Variants in IL17RC observed in about 807,000 individuals in gnomAD.
IL17RC encodes the protein interleukin-17 receptor C.
A neutral mutation model predicts 86.7 loss-of-function variants in IL17RC; 53 were observed. That is an observed-to-expected ratio of 0.61 (90% CI 0.49 to 0.77). The LOEUF (loss-of-function observed/expected upper bound fraction) is 0.77, where lower values mean the gene tolerates loss of function less well. Ranked by LOEUF, IL17RC falls within the 30% of genes least tolerant of loss-of-function variation. The probability of loss-of-function intolerance (pLI) is 0.00; values close to 1 mark genes in which losing one functional copy is unlikely to be tolerated. For missense variants in IL17RC, 957 were observed against 940.0 expected, an observed-to-expected ratio of 1.02 and a Z score of -0.24; for synonymous variants, 439 against 413.1, an observed-to-expected ratio of 1.06 and a Z score of -0.76.
At position 9,918,616 on chromosome 3, in the gene IL17RC, A is replaced by C. The variant is rs760761718; in HGVS notation, c.465+7A>C. On this transcript the variant is annotated splice_region_variant and intron_variant, in intron 5 of 18. Coordinates refer to ENST00000403601, the MANE Select transcript of IL17RC (RefSeq NM_153460.4). ...GCAGTTTGGTCAGTCTGTGGTATGC[A>C]AAATAATAATAATCACCTTCTAAAC... The C allele has an allele frequency of 2.5e-6, 4 of 1,577,432 alleles. No individual in the cohort carries two copies. The highest frequency in any genetic ancestry group is 3.5e-6 in the Non-Finnish European group (4 of 1,146,988).
At position 9,921,576 on chromosome 3, in the gene IL17RC, A is replaced by C. The variant is rs183419424; in HGVS notation, c.622+607A>C. Among the ~76,000 whole-genome samples the C allele has an allele frequency of 1.0e-3, 155 of 151,882 alleles. 1 individual carries two copies. Among genetic ancestry groups the C allele is most frequent in the African/African-American group, 3.6e-3 (150 of 41,386 alleles). ...GTTTTCGTTTTGTATTTTCTTTTTTATTGTGTATAACATACATACATAAAA... is the reference window on the plus strand; with the variant it reads ...GTTTTCGTTTTGTATTTTCTTTTTTCTTGTGTATAACATACATACATAAAA... On this transcript the variant is annotated intron_variant, in intron 7 of 18. Coordinates refer to ENST00000403601, the MANE Select transcript of IL17RC (RefSeq NM_153460.4).
At chr3:9,931,464 CACACACATATATATATATATATAT>C (rs1186672785) in intron 16 of IL17RC, among the ~76,000 whole-genome samples, 3 of 10,812 alleles carry the variant, frequency 2.8e-4, no homozygotes, top group African/African-American at 3.4e-4. Flanking sequence ...CACACACACA[CACACACATATATATATATATATAT>C]ATATATATAT....
chr3:9,918,502 T>C lies in IL17RC; in HGVS notation c.358T>C (p.Ser120Pro). Residue 120 changes from serine to proline, a missense_variant and splice_region_variant, in exon 5 of 19, where the codon TCT becomes CCT. Transcript: ENST00000403601. ...GACCCCTGCCCTGTTGCCCACAGCC[T>C]CTCTCCAGGCCCAAGTCGTGCTCTC... Reference protein sequence around the residue: ...DSGVEEPRNASLQAQVVLSFQ... With the variant: ...DSGVEEPRNAPLQAQVVLSFQ... 6.2e-7 allele frequency: 1 copy of C among 1,613,834 alleles called. No individual in the cohort carries two copies. The highest frequency in any genetic ancestry group is 8.5e-7 in the Non-Finnish European group (1 of 1,179,806).
In IL17RC at chr3:9,928,574, C is replaced by G; in HGVS notation, c.1060-6C>G. The G allele has an allele frequency of 4.3e-6, 7 of 1,613,832 alleles. No individual in the cohort carries two copies. The highest frequency in any genetic ancestry group is 5.9e-6 in the Non-Finnish European group (7 of 1,180,018). On this transcript the variant is annotated splice_region_variant and splice_polypyrimidine_tract_variant and intron_variant, in intron 11 of 18. Coordinates refer to ENST00000403601, the MANE Select transcript of IL17RC (RefSeq NM_153460.4). The stretch of plus-strand genomic sequence containing the variant: ...TGTGATCCCACCCATTCCTCTCTTT[C>G]CACAGAAGGTTCTCGAGTTCCCATT...
At chr3:9,925,022 T>A (rs1207194664) in intron 9 of IL17RC, among the ~76,000 whole-genome samples, 2 of 151,980 alleles carry the variant, frequency 1.3e-5, no homozygotes, top group East Asian at 3.9e-4. Context: ...CAGGCTGTTC[T>A]GAATTCCTGG....
intron 9 of IL17RC, among the ~76,000 whole-genome samples, chr3:9,926,525 G>A (rs1446553835): frequency 1.3e-5 from 2 of 151,998 alleles, no homozygotes; most frequent in African/African-American, 4.8e-5. Flanking sequence ...TTTCCTTGAA[G>A]GCAAGCAAAT....
intron 5 of IL17RC, among the ~76,000 whole-genome samples, chr3:9,919,562 C>T (rs2083379369): frequency 2.0e-5 from 3 of 152,148 alleles, no homozygotes; most frequent in Admixed American, 6.5e-5. Flanking sequence ...AGGAGAATGG[C>T]GTGAACCCGG....
At position 9,932,854 on chromosome 3, in the gene IL17RC, G is replaced by C. The variant is rs574709557; in HGVS notation, c.1518G>C (p.Ser506=). Residue 506 remains serine (S), a synonymous_variant, in exon 18 of 19, where the codon TCG becomes TCC. Transcript: ENST00000403601. ...WLRLLKQDVR[S]GAAARGRAAL... is the part of the protein sequence containing the mutation. ...GGCTCTTGAAACAGGACGTCCGCTC[G>C]GGGGGTGAGTGGGAGCAAGCGCTGG... is the stretch of plus-strand genomic sequence containing the variant. The C allele has an allele frequency of 3.2e-6, 5 of 1,569,074 alleles. No individual in the cohort carries two copies. The highest frequency in any genetic ancestry group is 2.4e-5 in the South Asian group (2 of 83,322).
Position 9,918,389 on chromosome 3 carries a change from G to T in IL17RC, c.335G>T (p.Gly112Val). The change falls in exon 4 of 19, where the codon GGG becomes GTG. Residue 112 changes from glycine to valine, a missense_variant. Transcript: ENST00000403601. ...AAGTTTGGAGGAGCAGCTGACTCAG[G>T]GGTGGAGGAGCCTAGGAATGGTGAG... ...EEKFGGAADS[G>V]VEEPRNASLQ... 1.9e-6 allele frequency: 3 copies of T among 1,610,932 alleles called. No homozygotes were observed. The highest frequency in any genetic ancestry group is 1.7e-6 in the Non-Finnish European group (2 of 1,178,610).
At chr3:9,918,712 C>T in intron 5 of IL17RC, 103 bp downstream of exon 5, 1 of 776,394 alleles carries the variant, frequency 1.3e-6, no homozygotes, top group South Asian at 1.6e-5. Context: ...TTTATTGAAA[C>T]CCTTCAGTAC....
At chr3:9,927,066 G>T (rs2084152973) in intron 9 of IL17RC, among the ~76,000 whole-genome samples, 1 of 152,200 alleles carries the variant, frequency 6.6e-6, no homozygotes, top group Non-Finnish European at 1.5e-5. Flanking sequence ...CAAACACAGT[G>T]CCTGCCACAT....
chr3:9,928,778 A>G, intron 12 of IL17RC, 148 bp downstream of exon 12: 1 of 758,826 alleles, frequency 1.3e-6, no homozygotes, highest in Non-Finnish European at 2.2e-6. Flanking sequence ...AGTGCGCGGG[A>G]CCCTGGGCAA....
intron 17 of IL17RC, 31 bp downstream of exon 17, chr3:9,932,734 G>C (rs2084871756): frequency 6.2e-7 from 1 of 1,613,186 alleles, no homozygotes; most frequent in South Asian, 1.1e-5. Context: ...CATTCCCCTG[G>C]GGGAGGACCA....
At chr3:9,926,862 C>T (rs987095320) in intron 9 of IL17RC, among the ~76,000 whole-genome samples, 4 of 152,130 alleles carry the variant, frequency 2.6e-5, no homozygotes, top group African/African-American at 9.7e-5. Flanking sequence ...CCTCGTGATC[C>T]GCCCACCTTG....
intron 7 of IL17RC, among the ~76,000 whole-genome samples, chr3:9,923,142 A>G (rs6765503): frequency 0.42 from 60,706 of 144,406 alleles, 13,337 homozygotes; most frequent in East Asian, 0.88. Flanking sequence ...ACACCACTGC[A>G]CTCCAGCCTG....
chr3:9,933,370 T>C lies in IL17RC; in HGVS notation c.1940T>C (p.Phe647Ser), dbSNP rs775185662. ...LLHPDAVPAL[F>S]RTVPVFTLPS... ...CACCCGGACGCCGTACCCGCCCTTT[T>C]CCGCACCGTGCCCGTCTTCACACTG... Residue 647 changes from phenylalanine (F) to serine (S), a missense_variant, in exon 19 of 19, where the codon TTC becomes TCC. By Grantham distance (155) the Phe-to-Ser change is radical. Coordinates refer to ENST00000403601, the MANE Select transcript of IL17RC (RefSeq NM_153460.4). The C allele has an allele frequency of 1.1e-5, 18 of 1,612,562 alleles. No homozygotes were observed. Among genetic ancestry groups the C allele is most frequent in the Non-Finnish European group, 1.4e-5 (16 of 1,179,580 alleles).
intron 7 of IL17RC, among the ~76,000 whole-genome samples, chr3:9,921,664 G>A (rs1188247230): frequency 1.4e-5 from 2 of 142,890 alleles, no homozygotes; most frequent in Non-Finnish European, 3.0e-5. Context: ...TCGCTCTGTC[G>A]CTCAGGCTGG....
Position 9,930,994 on chromosome 3 carries a change from T to C in IL17RC, c.1387+51T>C. Reference sequence around the variant, plus strand: ...CTTTCTGTACCAGGAGTGGGGATCTTGACAGGGACCACTCTTGGGCACAGC... The same window carrying C: ...CTTTCTGTACCAGGAGTGGGGATCTCGACAGGGACCACTCTTGGGCACAGC... On this transcript the variant is annotated intron_variant, in intron 16 of 18. Coordinates refer to ENST00000403601, the MANE Select transcript of IL17RC (RefSeq NM_153460.4). This position sits in a 1 kb window ranked among gnomAD's most constrained non-coding sequence, Gnocchi z 5.8. The C allele has an allele frequency of 6.9e-7, 1 of 1,457,212 alleles. No individual in the cohort carries two copies. Among genetic ancestry groups the C allele is most frequent in the Non-Finnish European group, 9.6e-7 (1 of 1,036,658 alleles). The allele number at this position is 1,457,212 out of a possible 1,614,324, so 90.3% of individuals were successfully genotyped here.
chr3:9,921,937 T>G, intron 7 of IL17RC, among the ~76,000 whole-genome samples: 1 of 146,692 alleles, frequency 6.8e-6, no homozygotes. Flanking sequence ...AGGGTACTGA[T>G]TTCCATGTCC....
Sources: allele counts gnomAD v4.1 joint callset (sites outside exome capture counted in the v4.1 genomes callset), GRCh38; gene constraint gnomAD v4.1.1; non-coding constraint Gnocchi (gnomAD v3.1); transcripts MANE v1.5; gene names NCBI Gene and HGNC (gene_info 2026-07-23, HGNC 2026-07-21).